The following WDFY4 variants were observed in gnomAD, a reference collection of about 807,000 sequenced individuals.
WDFY4 encodes the protein WDFY family member 4, also known as WD repeat- and FYVE domain-containing protein 4.
A neutral mutation model predicts 351.9 loss-of-function variants in WDFY4; 169 were observed. The ratio of observed to expected loss-of-function variants is 0.48; its 90% CI spans 0.42 to 0.55. The LOEUF (loss-of-function observed/expected upper bound fraction) is 0.55, where lower values mean the gene tolerates loss of function less well. Among genes scored for constraint, WDFY4 ranks in the 20% least tolerant of loss-of-function variants. The pLI is 0.00. For missense variants in WDFY4, 3,803 were observed against 3,935.6 expected (o/e 0.97, Z 0.90); for synonymous variants, 1,622 against 1,574.6 (o/e 1.03, Z -0.71).
chr10:48,964,474 G>T (rs1023592135), intron 54 of WDFY4, among the ~76,000 whole-genome samples: 1 of 152,234 alleles, frequency 6.6e-6, no homozygotes, highest in African/African-American at 2.4e-5. Context: ...TCTGGATATA[G>T]AGAGTATTCT....
intron 11 of WDFY4, among the ~76,000 whole-genome samples, chr10:48,738,191 G>T (rs2064734421): frequency 6.6e-6 from 1 of 152,190 alleles, no homozygotes. Flanking sequence ...CTTTTACTTT[G>T]CTTGAAGAGT....
intron 53 of WDFY4, among the ~76,000 whole-genome samples, chr10:48,961,002 T>C (rs1384272694): frequency 6.6e-6 from 1 of 152,244 alleles, no homozygotes; most frequent in Non-Finnish European, 1.5e-5. Flanking sequence ...ACTGTGGTGA[T>C]GGTTACATGA....
At chr10:48,947,742 C>T (rs922496907) in intron 51 of WDFY4, among the ~76,000 whole-genome samples, 2 of 152,140 alleles carry the variant, frequency 1.3e-5, no homozygotes, top group African/African-American at 2.4e-5. Flanking sequence ...CCAAGGAGCC[C>T]CTTTATCCCA....
intron 19 of WDFY4, among the ~76,000 whole-genome samples, chr10:48,781,450 C>T (rs2066222231): frequency 6.6e-6 from 1 of 152,098 alleles, no homozygotes; most frequent in Non-Finnish European, 1.5e-5. Context: ...GCGCCCACCA[C>T]CATGCCCACT....
chr10:48,876,957 G>A, intron 42 of WDFY4, 76 bp from the exon 43 acceptor site: 1 of 1,363,194 alleles, frequency 7.3e-7, no homozygotes, highest in Non-Finnish European at 9.6e-7. Flanking sequence ...TGGTGATGTA[G>A]GCACATGCTG....
chr10:48,939,443 G>C (rs1043591152), intron 47 of WDFY4, among the ~76,000 whole-genome samples: 4 of 152,206 alleles, frequency 2.6e-5, no homozygotes, highest in African/African-American at 9.7e-5. Flanking sequence ...CCCCATTTAA[G>C]TGGTGGAGAT....
In WDFY4 at chr10:48,976,736, C is replaced by G. The variant is rs1269468108; in HGVS notation, c.9109-61C>G. On this transcript the variant is annotated intron_variant, in intron 58 of 61. Transcript: ENST00000325239. Reference sequence around the variant, plus strand: ...TGGGTGTACCAACTGGGTAGCTGAGCAAGTGGCTGATGGGCAGGCAGTGAC... The same window carrying G: ...TGGGTGTACCAACTGGGTAGCTGAGGAAGTGGCTGATGGGCAGGCAGTGAC... 6.2e-6 allele frequency: 8 copies of G among 1,289,880 alleles called. No individual in the cohort carries two copies. In the African/African-American group the frequency reaches 1.1e-4, roughly 17 times the overall value. 79.9% of individuals were successfully genotyped at this position (1,289,880 alleles called of 1,614,324 possible). A position where few individuals can be genotyped will look rare whatever the true frequency, so the allele number is the denominator to read the frequency against.
chr10:48,974,527 A>AAAAAAAAAAAAAAACAAC, intron 57 of WDFY4, among the ~76,000 whole-genome samples: 10 of 23,198 alleles, frequency 4.3e-4, no homozygotes, highest in African/African-American at 7.2e-4. Context: ...AAAAAAAAAA[A>AAAAAAAAAAAAAAACAAC]AACAACTCAT....
Position 48,873,674 on chromosome 10 carries a change from G to A in WDFY4, c.6925G>A (p.Ala2309Thr), listed in dbSNP as rs1238002701. ...KRIKRLSPLE[A>T]LSSGRHKESQ... ...CATCAAACGCTTGTCTCCTTTGGAG[G>A]CCCTGAGCTCAGGAAGGCACAAGGT... Residue 2309 changes from alanine to threonine, a missense_variant, in exon 41 of 62, where the codon GCC (alanine) becomes ACC (threonine). This residue lies in a region of WDFY4 where 3,054 missense variants were observed against 3,148.6 expected (regional missense o/e 0.97). Transcript: ENST00000325239. 6.4e-7 allele frequency: 1 copy of A among 1,551,854 alleles called. No individual in the cohort carries two copies. Among genetic ancestry groups the A allele is most frequent in the African/African-American group, 1.4e-5 (1 of 73,172 alleles).
chr10:48,966,525 G>C lies in WDFY4; in HGVS notation c.8437-1G>C. ...TGTGTGTCTGTTCCCTGTCTCTCTA[G>C]CTCTTTACCAAACCTCACCCAGCCA... On this transcript the variant is annotated splice_acceptor_variant, in intron 54 of 61. Transcript: ENST00000325239. LOFTEE classifies it high-confidence loss of function. 3.9e-6 allele frequency: 6 copies of C among 1,551,904 alleles called. No homozygotes were observed. Among genetic ancestry groups the C allele is most frequent in the Non-Finnish European group, 5.2e-6 (6 of 1,146,974 alleles).
intron 19 of WDFY4, among the ~76,000 whole-genome samples, chr10:48,780,627 T>C (rs2066188336): frequency 6.6e-6 from 1 of 152,150 alleles, no homozygotes; most frequent in South Asian, 2.1e-4. Flanking sequence ...TGCAAATGTA[T>C]AGCTGGAGGA....
intron 20 of WDFY4, among the ~76,000 whole-genome samples, chr10:48,788,323 C>G (rs1459224102): frequency 6.6e-6 from 1 of 152,162 alleles, no homozygotes; most frequent in East Asian, 1.9e-4. Context: ...GCCACCATGC[C>G]CAGCCCACGG....
intron 53 of WDFY4, among the ~76,000 whole-genome samples, 152 bp from the exon 54 acceptor site, chr10:48,963,690 G>A (rs1841958990): frequency 6.6e-6 from 1 of 152,164 alleles, no homozygotes; most frequent in African/African-American, 2.4e-5. Flanking sequence ...GGCTCATCCT[G>A]CCTCTTTGTG....
At chr10:48,882,068 G>C (rs1309904562) in intron 43 of WDFY4, among the ~76,000 whole-genome samples, 1 of 152,218 alleles carries the variant, frequency 6.6e-6, no homozygotes, top group African/African-American at 2.4e-5. Flanking sequence ...TGCAGACCAG[G>C]TGAGCTCAGC....
At chr10:48,876,991 G>C (rs1228634317) in intron 42 of WDFY4, 42 bp from the exon 43 acceptor site, 2 of 1,439,288 alleles carry the variant, frequency 1.4e-6, no homozygotes, top group Non-Finnish European at 9.1e-7. Flanking sequence ...ACCATGTCAG[G>C]TGGCTCCTGT....
intron 31 of WDFY4, 80 bp from the exon 32 acceptor site, chr10:48,817,164 TC>T (rs1294923736): frequency 2.7e-6 from 4 of 1,461,764 alleles, no homozygotes; most frequent in African/African-American, 2.8e-5. Context: ...AGGAATCTTC[TC>T]CCTAGACCTC....
chr10:48,710,023 G>C, intron 2 of WDFY4, 57 bp downstream of exon 2: 2 of 1,434,554 alleles, frequency 1.4e-6, no homozygotes, highest in Non-Finnish European at 1.9e-6. Flanking sequence ...ACACTTCTGG[G>C]ATGATTGCAT....
rs2131831702 is a variant in WDFY4, at chr10:48,969,453, G to T, written c.8769+205G>T. Among the ~76,000 whole-genome samples, 4 of 152,324 alleles carry T rather than the reference G, an allele frequency of 2.6e-5. 1 individual carries two copies. The Middle Eastern group carries it at 0.014, about 518-fold the overall frequency. On this transcript the variant is annotated intron_variant, in intron 56 of 61. Coordinates refer to ENST00000325239, the MANE Select transcript of WDFY4 (RefSeq NM_001394531.1). ...GCCTCAAACCCTCCTTCCAAGGCTT[G>T]CAAGTTGGCAGTGTATACTGTCACC... is the stretch of plus-strand genomic sequence containing the variant.
intron 36 of WDFY4, among the ~76,000 whole-genome samples, chr10:48,827,337 T>G (rs1056407165): frequency 6.6e-6 from 1 of 151,798 alleles, no homozygotes; most frequent in Non-Finnish European, 1.5e-5. Context: ...AAAAATTACA[T>G]ATGCATACAA....
Sources: allele counts gnomAD v4.1 joint callset (sites outside exome capture counted in the v4.1 genomes callset), GRCh38; gene constraint gnomAD v4.1.1; regional missense constraint gnomAD v4.1.1; transcripts MANE v1.5; gene names NCBI Gene and HGNC (gene_info 2026-07-23, HGNC 2026-07-21).